CFAP20DC: variants seen among roughly 807,000 people sequenced by gnomAD.
The protein encoded by CFAP20DC is protein CFAP20DC.
A neutral mutation model predicts 101.7 loss-of-function variants in CFAP20DC; 84 were observed. The observed-to-expected ratio is 0.83, with a 90% CI of 0.69 to 0.99. The LOEUF (loss-of-function observed/expected upper bound fraction) is 0.99, where lower values mean the gene tolerates loss of function less well. Ranked by LOEUF, CFAP20DC falls within the 50% of genes least tolerant of loss-of-function variation. The pLI, the probability that CFAP20DC is intolerant of heterozygous loss-of-function variation, is 0.00. For synonymous variants in CFAP20DC, 359 were observed against 351.2 expected, an observed-to-expected ratio of 1.02 and a Z score of -0.25; for missense variants, 1,007 against 970.3, an observed-to-expected ratio of 1.04 and a Z score of -0.50.
chr3:59,030,949 G>A (rs369908966), intron 4 of CFAP20DC, among the ~76,000 whole-genome samples: 2 of 151,946 alleles, frequency 1.3e-5, no homozygotes, highest in Admixed American at 6.6e-5. Flanking sequence ...TCAGCCTCCC[G>A]AGTAGCTGGG....
chr3:58,932,790 G>C lies in CFAP20DC; in HGVS notation c.393+4858C>G, dbSNP rs934053649. Among the ~76,000 whole-genome samples, 6 of 152,158 alleles carry C rather than the reference G, an allele frequency of 3.9e-5. No individual in the cohort carries two copies. The South Asian group carries it at 8.3e-4, about 21-fold the overall frequency. On this transcript the variant is annotated intron_variant, in intron 5 of 16. Coordinates refer to ENST00000482387, the MANE Select transcript of CFAP20DC (RefSeq NM_001394063.1). ...TGAAGGAAGCACTAAACATGGAAAG[G>C]AACAACCAGTACCAGCAACTGCAAA...
chr3:58,804,713 T>C (rs1156773600), intron 15 of CFAP20DC, among the ~76,000 whole-genome samples: 2 of 152,186 alleles, frequency 1.3e-5, no homozygotes, highest in East Asian at 1.9e-4. Context: ...TCCAGTTACC[T>C]TGAAAGCTTA....
chr3:58,726,950 A>G (rs2067561548), intron 3 of CFAP20DC: 2 of 249,822 alleles, frequency 8.0e-6, no homozygotes, highest in South Asian at 6.8e-5. Flanking sequence ...ACGCCATCAG[A>G]AGAGATGAGA....
intron 4 of CFAP20DC, among the ~76,000 whole-genome samples, chr3:58,944,356 C>A (rs1406215935): frequency 6.6e-6 from 1 of 152,144 alleles, no homozygotes; most frequent in South Asian, 2.1e-4. Context: ...TTGTTTTTAA[C>A]ACTTTTATTC....
intron 16 of CFAP20DC, among the ~76,000 whole-genome samples, chr3:58,743,657 G>A (rs76500712): frequency 6.6e-6 from 1 of 152,152 alleles, no homozygotes; most frequent in Non-Finnish European, 1.5e-5. Flanking sequence ...AATAAAAATG[G>A]AATGTTTGTT....
At chr3:58,947,737 G>A (rs1475887982) in intron 4 of CFAP20DC, among the ~76,000 whole-genome samples, 4 of 152,134 alleles carry the variant, frequency 2.6e-5, no homozygotes, top group African/African-American at 9.7e-5. Context: ...TTTAAAATAC[G>A]GTGCAAGTAG....
At chr3:58,946,234 A>T (rs2089343090) in intron 4 of CFAP20DC, among the ~76,000 whole-genome samples, 1 of 149,582 alleles carries the variant, frequency 6.7e-6, no homozygotes, top group Non-Finnish European at 1.5e-5. Context: ...CTCGTGTCTC[A>T]GTCTCCTAAG....
At chr3:58,767,072 G>A (rs2070388107) in intron 15 of CFAP20DC, among the ~76,000 whole-genome samples, 1 of 152,142 alleles carries the variant, frequency 6.6e-6, no homozygotes, top group African/African-American at 2.4e-5. Flanking sequence ...CTAGCTCCTA[G>A]TAGAGTTCCT....
Position 58,964,771 on chromosome 3 carries a change from A to T in CFAP20DC, c.279-27009T>A, listed in dbSNP as rs533518700. The stretch of plus-strand genomic sequence containing the variant: ...CCTAAAACGGAACCATAATTAACAT[A>T]GCTCCTATTAGATTTTGGTGATTAC... On this transcript the variant is annotated intron_variant, in intron 4 of 16. Coordinates refer to ENST00000482387, the MANE Select transcript of CFAP20DC (RefSeq NM_001394063.1). This position sits in a 1 kb window ranked among gnomAD's most constrained non-coding sequence, Gnocchi z 4.1. Among the ~76,000 whole-genome samples the T allele has an allele frequency of 1.1e-3, 172 of 152,316 alleles. 1 individual carries two copies. The highest frequency in any genetic ancestry group is 1.5e-3 in the Non-Finnish European group (103 of 68,024).
chr3:58,989,017 T>C (rs905187241), intron 4 of CFAP20DC, among the ~76,000 whole-genome samples: 1 of 152,142 alleles, frequency 6.6e-6, no homozygotes, highest in Non-Finnish European at 1.5e-5. Context: ...AATTAGTGCA[T>C]TGCATTTAAA....
chr3:58,798,811 C>G (rs1481247230), intron 15 of CFAP20DC, among the ~76,000 whole-genome samples: 1 of 152,214 alleles, frequency 6.6e-6, no homozygotes, highest in Non-Finnish European at 1.5e-5. Flanking sequence ...CCAGACAAGA[C>G]CCTCCACCAG....
chr3:58,780,918 T>C (rs543615911), intron 15 of CFAP20DC, among the ~76,000 whole-genome samples: 30 of 152,128 alleles, frequency 2.0e-4, no homozygotes, highest in South Asian at 8.3e-4. Context: ...GGATTTGAAT[T>C]ACACATTAGA....
intron 2 of CFAP20DC, 79 bp downstream of exon 2, chr3:59,047,086 T>C (rs1699923046): frequency 2.1e-6 from 2 of 939,288 alleles, no homozygotes; most frequent in East Asian, 2.6e-5. Flanking sequence ...AGCTCTGAAA[T>C]TTGATCACGC....
rs556213828 is a variant in CFAP20DC, at chr3:59,006,191, C to G, written c.278+33366G>C. 5.3e-5 allele frequency among the ~76,000 whole-genome samples: 8 copies of G among 152,010 alleles called. No homozygotes were observed. The highest frequency in any genetic ancestry group is 1.2e-4 in the Non-Finnish European group (8 of 68,008). On this transcript the variant is annotated intron_variant, in intron 4 of 16. Transcript: ENST00000482387. The surrounding 1 kb of genome is among the most constrained non-coding windows in gnomAD (Gnocchi z 4.3). ...AGGGGCGAATAGGTTAGAATGTAGA[C>G]AGTGGCAAAAGGCTGCTACTGTCAT...
At chr3:58,807,899 G>A (rs1273631158) in intron 14 of CFAP20DC, among the ~76,000 whole-genome samples, 1 of 152,106 alleles carries the variant, frequency 6.6e-6, no homozygotes, top group Non-Finnish European at 1.5e-5. Context: ...GCCAAGGCTC[G>A]AGAACTACGT....
At chr3:58,727,487 A>ACT (rs2067570315) in intron 3 of CFAP20DC, 2 of 152,172 alleles carry the variant, frequency 1.3e-5, no homozygotes, top group Non-Finnish European at 2.9e-5. Context: ...CCCAGGCTGG[A>ACT]GTGCAGTGGC....
At position 58,817,138 on chromosome 3, in the gene CFAP20DC, G is replaced by C. The variant is rs551003621; in HGVS notation, c.2176-10682C>G. Among the ~76,000 whole-genome samples, 303 of 151,998 alleles carry C rather than the reference G, an allele frequency of 2.0e-3. 1 individual carries two copies. The highest frequency in any genetic ancestry group is 7.0e-3 in the African/African-American group (290 of 41,484). ...GGACATCCACACCGAAAACCCATCT[G>C]TACATCACCATCATCAAAGACCAAA... On this transcript the variant is annotated intron_variant, in intron 14 of 16. Coordinates refer to ENST00000482387, the MANE Select transcript of CFAP20DC (RefSeq NM_001394063.1).
In CFAP20DC at chr3:58,859,887, A is replaced by T. The variant is rs1337711378; in HGVS notation, c.1593+3671T>A. ...AGTGTGTGTGAGAAAGCAATTAAAA[A>T]TCATTACTTGGCCAGGCGCGATGGC... On this transcript the variant is annotated intron_variant, in intron 12 of 16. Coordinates refer to ENST00000482387, the MANE Select transcript of CFAP20DC (RefSeq NM_001394063.1). The surrounding 1 kb of genome is among the most constrained non-coding windows in gnomAD (Gnocchi z 4.1). 1.3e-5 allele frequency among the ~76,000 whole-genome samples: 2 copies of T among 152,134 alleles called. No individual in the cohort carries two copies. The highest frequency in any genetic ancestry group is 4.8e-5 in the African/African-American group (2 of 41,416).
intron 14 of CFAP20DC, among the ~76,000 whole-genome samples, chr3:58,823,875 T>C (rs1019533128): frequency 6.6e-6 from 1 of 152,190 alleles, no homozygotes; most frequent in Non-Finnish European, 1.5e-5. Flanking sequence ...CATGTCACTA[T>C]GTATTTACAA....
Sources: allele counts gnomAD v4.1 joint callset (sites outside exome capture counted in the v4.1 genomes callset), GRCh38; gene constraint gnomAD v4.1.1; non-coding constraint Gnocchi (gnomAD v3.1); transcripts MANE v1.5; gene names NCBI Gene and HGNC (gene_info 2026-07-23, HGNC 2026-07-21).